Variants in UNC79 observed in about 807,000 individuals in gnomAD.
UNC79 encodes protein unc-79 homolog.
A neutral mutation model predicts 283.1 loss-of-function variants in UNC79; 37 were observed. The ratio of observed to expected loss-of-function variants is 0.13; its 90% CI spans 0.10 to 0.17. UNC79 has a LOEUF of 0.17. UNC79 is among the 10% of genes least tolerant of loss of function. The pLI is 1.00. For missense variants in UNC79, 2,272 were observed against 3,211.1 expected, an observed-to-expected ratio of 0.71 and a Z score of 7.07; for synonymous variants, 1,107 against 1,200.2, an observed-to-expected ratio of 0.92 and a Z score of 1.61.
upstream of UNC79, among the ~76,000 whole-genome samples, chr14:93,425,550 A>C (rs1035020211): frequency 6.6e-6 from 1 of 152,218 alleles, no homozygotes. Flanking sequence ...TGTGGTCCAG[A>C]ATACAAATCT....
intron 5 of UNC79, among the ~76,000 whole-genome samples, chr14:93,490,135 T>G (rs1256077073): frequency 6.6e-6 from 1 of 152,082 alleles, no homozygotes; most frequent in African/African-American, 2.4e-5. Flanking sequence ...CTGAAACCAT[T>G]TCTCCCCCAG....
At chr14:93,597,656 C>A in intron 24 of UNC79, 116 bp downstream of exon 24, 1 of 1,160,030 alleles carries the variant, frequency 8.6e-7, no homozygotes, top group Non-Finnish European at 1.2e-6. Context: ...ATACCATAAA[C>A]TGGGTAGTTT....
At chr14:93,435,655 T>A (rs1425159594) in intron 1 of UNC79, among the ~76,000 whole-genome samples, 1 of 152,208 alleles carries the variant, frequency 6.6e-6, no homozygotes, top group Non-Finnish European at 1.5e-5. Context: ...GATCAGTCAT[T>A]TTGGTAAATG....
chr14:93,340,571 CTT>C (rs1182617864), intron 1 of UNC79, among the ~76,000 whole-genome samples: 41 of 135,610 alleles, frequency 3.0e-4, no homozygotes, highest in Admixed American at 4.5e-4. Flanking sequence ...GTAGGAGAAA[CTT>C]TTTTTTTTTT....
At chr14:93,424,917 T>A (rs2055690474) in intron 1 of UNC79, among the ~76,000 whole-genome samples, 1 of 152,160 alleles carries the variant, frequency 6.6e-6, no homozygotes, top group Non-Finnish European at 1.5e-5. Context: ...GAATACACCA[T>A]TTACCCTGAT....
chr14:93,477,443 T>C lies in UNC79; in HGVS notation c.449-115T>C, dbSNP rs559149198. 7.8e-6 allele frequency: 6 copies of C among 770,398 alleles called. No individual in the cohort carries two copies. The South Asian group carries it at 1.0e-4, about 13-fold the overall frequency. 47.7% of individuals were successfully genotyped at this position (770,398 alleles called of 1,614,324 possible). A position where few individuals can be genotyped will look rare whatever the true frequency, so the allele number is the denominator to read the frequency against. On this transcript the variant is annotated intron_variant, in intron 3 of 48. Transcript: ENST00000555664. Reference sequence around the variant, plus strand: ...TATGTTTCATAACACTTAATAGAGATGGAGCACTAGTTGCTTATAACTTAA... The same window carrying C: ...TATGTTTCATAACACTTAATAGAGACGGAGCACTAGTTGCTTATAACTTAA...
Position 93,617,778 on chromosome 14 carries a change from A to G in UNC79, c.4225-414A>G, listed in dbSNP as rs2139856399. ...GCCATGGGGGAGGGCGTGGTGGCTC[A>G]CTGCTGTAATCCCAGCACTTATGGG... On this transcript the variant is annotated intron_variant, in intron 28 of 48. Coordinates refer to ENST00000555664, the Ensembl canonical transcript of UNC79. The surrounding 1 kb of genome is among the most constrained non-coding windows in gnomAD (Gnocchi z 4.5). Among the ~76,000 whole-genome samples, 1 of 152,250 alleles carries G rather than the reference A, an allele frequency of 6.6e-6. No individual in the cohort carries two copies. The highest frequency in any genetic ancestry group is 3.4e-3 in the Middle Eastern group (1 of 294).
intron 1 of UNC79, among the ~76,000 whole-genome samples, chr14:93,413,021 G>A (rs1254786983): frequency 1.3e-5 from 2 of 152,070 alleles, no homozygotes; most frequent in African/African-American, 4.8e-5. Flanking sequence ...GTGGTGTGTA[G>A]ACAACTCTTA....
At chr14:93,608,576 G>A (rs2066058153) in intron 26 of UNC79, among the ~76,000 whole-genome samples, 1 of 152,226 alleles carries the variant, frequency 6.6e-6, no homozygotes. Flanking sequence ...AAGGAAGCAG[G>A]GAGATGAGCG....
chr14:93,580,337 C>G (rs1364383764), exon 19 of UNC79: 1 of 1,614,030 alleles, frequency 6.2e-7, no homozygotes, highest in Non-Finnish European at 8.5e-7. Flanking sequence ...CTTGTGAACT[C>G]CTGGAGAGAC....
exon 30 of UNC79, chr14:93,622,379 A>G: frequency 6.2e-7 from 1 of 1,613,924 alleles, no homozygotes. Flanking sequence ...TGCCCTCATC[A>G]CTCTGGAAGA....
At position 93,622,110 on chromosome 14, in the gene UNC79, C is replaced by T. The variant is rs756682115; in HGVS notation, c.4877C>T (p.Thr1626Ile). 4.3e-6 allele frequency: 7 copies of T among 1,614,180 alleles called. No individual in the cohort carries two copies. In the South Asian group the frequency reaches 6.6e-5, roughly 15 times the overall value. The change falls in exon 30 of 49, where the codon ACC (threonine) becomes ATC (isoleucine). Residue 1626 changes from threonine to isoleucine, a missense_variant. Physicochemically the swap from Thr to Ile is moderately conservative, Grantham distance 89. Transcript: ENST00000555664. ...CCTGAAAAACACTCTATACTCTCAA[C>T]CTCCGACAGCGACTCTCTTGTATTT...
chr14:93,481,106 T>G (rs1250757597), intron 4 of UNC79, among the ~76,000 whole-genome samples: 1 of 152,182 alleles, frequency 6.6e-6, no homozygotes, highest in Non-Finnish European at 1.5e-5. Flanking sequence ...ATAAACCAAG[T>G]GCTGGACTTT....
At chr14:93,599,389 T>C (rs902729847) in intron 24 of UNC79, among the ~76,000 whole-genome samples, 2 of 152,116 alleles carry the variant, frequency 1.3e-5, no homozygotes, top group African/African-American at 4.8e-5. Context: ...TGTGTGTATG[T>C]GTGCATACAC....
chr14:93,640,398 G>C (rs1365845473), intron 32 of UNC79, among the ~76,000 whole-genome samples: 5 of 152,204 alleles, frequency 3.3e-5, no homozygotes, highest in African/African-American at 1.2e-4. Flanking sequence ...GGAGGCTGAG[G>C]TGGGAGGATC....
At chr14:93,550,380 T>C (rs976861697) in intron 14 of UNC79, among the ~76,000 whole-genome samples, 1 of 151,924 alleles carries the variant, frequency 6.6e-6, no homozygotes, top group Non-Finnish European at 1.5e-5. Context: ...CTGGGCATGG[T>C]GGCATGTGCC....
intron 3 of UNC79, among the ~76,000 whole-genome samples, chr14:93,475,213 C>T (rs1037219387): frequency 6.6e-6 from 1 of 152,116 alleles, no homozygotes; most frequent in Admixed American, 6.6e-5. Flanking sequence ...GCAGGTAATG[C>T]ACTTTAAAAC....
intron 4 of UNC79, among the ~76,000 whole-genome samples, chr14:93,485,342 C>T (rs1483306385): frequency 2.0e-5 from 3 of 151,504 alleles, no homozygotes; most frequent in Non-Finnish European, 4.4e-5. Flanking sequence ...ATTATTCTTC[C>T]TGCACCTGGA....
chr14:93,406,463 C>A (rs1262347597), intron 1 of UNC79, among the ~76,000 whole-genome samples: 1 of 152,094 alleles, frequency 6.6e-6, no homozygotes, highest in Non-Finnish European at 1.5e-5. Flanking sequence ...TAACATGTGC[C>A]TGTAGTCCCA....
Sources: gnomAD v4.1 joint callset for allele counts (sites outside exome capture counted in the v4.1 genomes callset) on GRCh38, gnomAD v4.1.1 for gene constraint, Gnocchi (gnomAD v3.1) non-coding constraint, MANE v1.5 for transcripts, NCBI Gene and HGNC (gene_info 2026-07-23, HGNC 2026-07-21) for gene names.